Variants in PRKCA observed in about 807,000 individuals in gnomAD.
The protein encoded by PRKCA is protein kinase C alpha type.
In PRKCA, 27 loss-of-function variants were observed where a neutral mutation model predicts 87.0. The ratio of observed to expected loss-of-function variants is 0.31; its 90% CI spans 0.23 to 0.43. The LOEUF (loss-of-function observed/expected upper bound fraction) is 0.43, where lower values mean the gene tolerates loss of function less well. Among genes scored for constraint, PRKCA ranks in the 20% least tolerant of loss-of-function variants. The pLI, the probability that PRKCA is intolerant of heterozygous loss-of-function variation, is 1.00. For missense variants in PRKCA, 518 were observed against 852.3 expected, an observed-to-expected ratio of 0.61 and a Z score of 4.88; for synonymous variants, 329 against 311.1, an observed-to-expected ratio of 1.06 and a Z score of -0.61.
At chr17:66,731,847 G>A (rs1346679519) in intron 8 of PRKCA, among the ~76,000 whole-genome samples, 3 of 132,364 alleles carry the variant, frequency 2.3e-5, no homozygotes, top group African/African-American at 5.8e-5. Context: ...GCAATGGCGC[G>A]ATCTCAGCTC....
intron 2 of PRKCA, among the ~76,000 whole-genome samples, chr17:66,445,155 G>C (rs912149825): frequency 6.6e-6 from 1 of 152,122 alleles, no homozygotes; most frequent in African/African-American, 2.4e-5. Context: ...TCCCCCCTAC[G>C]GTGGGACTTC....
chr17:66,655,937 T>C, intron 5 of PRKCA, among the ~76,000 whole-genome samples: 1 of 152,214 alleles, frequency 6.6e-6, no homozygotes, highest in East Asian at 1.9e-4. Context: ...CACATGATTA[T>C]TTACATTCCG....
intron 3 of PRKCA, among the ~76,000 whole-genome samples, chr17:66,557,443 G>T (rs929336611): frequency 1.4e-5 from 2 of 144,572 alleles, no homozygotes; most frequent in African/African-American, 5.1e-5. Context: ...CGAAACCTGT[G>T]CAAAAAAAAA....
chr17:66,540,311 A>T (rs1967938860), intron 3 of PRKCA, among the ~76,000 whole-genome samples: 1 of 152,206 alleles, frequency 6.6e-6, no homozygotes, highest in Non-Finnish European at 1.5e-5. Context: ...AGCCCAGCGG[A>T]GAGTCTGGAG....
intron 8 of PRKCA, among the ~76,000 whole-genome samples, chr17:66,717,834 G>A (rs574712146): frequency 9.2e-5 from 14 of 152,300 alleles, no homozygotes; most frequent in South Asian, 4.2e-4. Flanking sequence ...TGAGGCCCTC[G>A]CTGCAGTTGC....
intron 3 of PRKCA, among the ~76,000 whole-genome samples, chr17:66,570,564 G>A (rs1027754542): frequency 2.6e-5 from 4 of 152,160 alleles, no homozygotes; most frequent in South Asian, 2.1e-4. Flanking sequence ...AGGAGGAGGC[G>A]GTGCCAGTGA....
At chr17:66,342,809 A>G (rs1168170630) in intron 2 of PRKCA, among the ~76,000 whole-genome samples, 1 of 152,192 alleles carries the variant, frequency 6.6e-6, no homozygotes, top group Non-Finnish European at 1.5e-5. Context: ...CATTAATTTT[A>G]TTTTGTTAGA....
chr17:66,398,921 T>G (rs4290512), intron 2 of PRKCA, among the ~76,000 whole-genome samples: 132,833 of 151,996 alleles, frequency 0.87, 58,642 homozygotes, highest in South Asian at 0.95. Context: ...TCGTTTGAGA[T>G]ACTTAATTTT....
intron 2 of PRKCA, among the ~76,000 whole-genome samples, chr17:66,332,515 A>T (rs1853360611): frequency 6.6e-6 from 1 of 151,952 alleles, no homozygotes; most frequent in Non-Finnish European, 1.5e-5. Context: ...GGTGTGAGCC[A>T]TTGCACCTGA....
chr17:66,530,816 G>GT (rs1228147758), intron 3 of PRKCA, among the ~76,000 whole-genome samples: 2 of 151,898 alleles, frequency 1.3e-5, no homozygotes, highest in African/African-American at 4.8e-5. Flanking sequence ...GCTTCCCTGC[G>GT]TTTCAGAGGT....
chr17:66,568,287 C>G (rs774729990), intron 3 of PRKCA, among the ~76,000 whole-genome samples: 2 of 152,168 alleles, frequency 1.3e-5, no homozygotes, highest in African/African-American at 2.4e-5. Flanking sequence ...GCACTCCAGC[C>G]TAGACGACAG....
intron 2 of PRKCA, among the ~76,000 whole-genome samples, chr17:66,455,302 G>A (rs769376930): frequency 1.8e-4 from 28 of 152,054 alleles, no homozygotes; most frequent in Non-Finnish European, 3.1e-4. Context: ...CTTCACAAAT[G>A]TGCTTGAAAA....
chr17:66,781,891 T>TA (rs1568030798), intron 14 of PRKCA, among the ~76,000 whole-genome samples: 286 of 135,464 alleles, frequency 2.1e-3, no homozygotes, highest in Non-Finnish European at 8.1e-4. Context: ...ATATATAGTG[T>TA]GTGTGTGTGT....
At chr17:66,767,792 G>A (rs1377584505) in intron 13 of PRKCA, among the ~76,000 whole-genome samples, 1 of 152,118 alleles carries the variant, frequency 6.6e-6, no homozygotes, top group Non-Finnish European at 1.5e-5. Flanking sequence ...CTGTCCATTG[G>A]CCAGAACTAG....
At chr17:66,318,754 CT>C (rs370393826) in intron 2 of PRKCA, among the ~76,000 whole-genome samples, 1,663 of 151,968 alleles carry the variant, frequency 0.011, 18 homozygotes, top group Non-Finnish European at 0.019. Flanking sequence ...ACTTGGGAGG[CT>C]GAGGCAGGAG....
intron 3 of PRKCA, among the ~76,000 whole-genome samples, chr17:66,640,017 GAATA>G (rs953371570): frequency 1.3e-5 from 2 of 151,830 alleles, no homozygotes; most frequent in African/African-American, 4.8e-5. Context: ...TAATAAAATT[GAATA>G]AATAAATAAG....
chr17:66,504,210 TAA>T lies in PRKCA; in HGVS notation c.288+7929_288+7930del, dbSNP rs537261972. ...CCCTGTACTGTGAAGGTTACAAAGG[TAA>T]AGAGAGTTCCTGCCCTCCCAAGGCA... On this transcript the variant is annotated intron_variant, in intron 3 of 16. Transcript: ENST00000413366. Among the ~76,000 whole-genome samples, 51 of 152,016 alleles carry T rather than the reference TAA, an allele frequency of 3.4e-4. 2 individuals carry two copies. Among genetic ancestry groups the T allele is most frequent in the South Asian group, 1.7e-3 (8 of 4,810 alleles).
chr17:66,464,198 G>C (rs186355223), intron 2 of PRKCA, among the ~76,000 whole-genome samples: 28 of 151,940 alleles, frequency 1.8e-4, no homozygotes, highest in Admixed American at 1.6e-3. Flanking sequence ...ATGTCTTTTC[G>C]TGGCTGGATG....
At chr17:66,662,431 G>C (rs1971932868) in intron 5 of PRKCA, among the ~76,000 whole-genome samples, 1 of 152,086 alleles carries the variant, frequency 6.6e-6, no homozygotes, top group Non-Finnish European at 1.5e-5. Context: ...CGGCACCCAA[G>C]CAGCTTGAGA....
Sources: gnomAD v4.1 joint callset for allele counts (sites outside exome capture counted in the v4.1 genomes callset) on GRCh38, gnomAD v4.1.1 for gene constraint, MANE v1.5 for transcripts, NCBI Gene and HGNC (gene_info 2026-07-23, HGNC 2026-07-21) for gene names.